The following HSBP1L1 variants were observed in gnomAD, a reference collection of about 807,000 sequenced individuals.
HSBP1L1 encodes heat shock factor binding protein 1 like 1.
In HSBP1L1, 8 loss-of-function variants were observed where a neutral mutation model predicts 9.7. That is an observed-to-expected ratio of 0.82 (90% confidence interval 0.48 to 1.48). HSBP1L1 has a LOEUF of 1.48. Ranked by LOEUF, HSBP1L1 falls within the 40% of genes most tolerant of loss-of-function variation. The probability of loss-of-function intolerance (pLI) is 0.00; values close to 1 mark genes in which losing one functional copy is unlikely to be tolerated. For missense variants in HSBP1L1, 106 were observed against 95.8 expected (o/e 1.11, Z -0.44); for synonymous variants, 39 against 34.4 (o/e 1.13, Z -0.46).
At chr18:79,968,209 A>G (rs1168672166) in intron 3 of HSBP1L1, 26 bp downstream of exon 3, 13 of 1,375,550 alleles carry the variant, frequency 9.5e-6, no homozygotes, top group Non-Finnish European at 5.0e-6. Flanking sequence ...AACTATGTCA[A>G]CCGTTTTCGT....
Position 79,964,706 on chromosome 18 carries a change from C to A in HSBP1L1, c.-30C>A. The A allele has an allele frequency of 2.2e-6, 3 of 1,357,166 alleles. No individual in the cohort carries two copies. The highest frequency in any genetic ancestry group is 2.9e-6 in the Non-Finnish European group (3 of 1,035,084). The allele number at this position is 1,357,166 out of a possible 1,614,324, so 84.1% of individuals were successfully genotyped here. The stretch of plus-strand genomic sequence containing the variant: ...CCGGGTCCGCGCGGCCCACGGGACC[C>A]CCCACTGACGCCCCCGGCCAGCGGT... On this transcript the variant is annotated 5_prime_UTR_variant, in exon 1 of 4. Coordinates refer to ENST00000451882, the MANE Select transcript of HSBP1L1 (RefSeq NM_001136180.2).
At chr18:79,967,957 C>CACT in intron 2 of HSBP1L1, 132 bp from the exon 3 acceptor site, 1 of 592,652 alleles carries the variant, frequency 1.7e-6, no homozygotes, top group South Asian at 2.1e-5. Context: ...TTTGCATGGA[C>CACT]ACTAGGCCTG....
chr18:79,968,157 A>C lies in HSBP1L1; in HGVS notation c.187A>C (p.Ile63Leu). The change falls in exon 3 of 4, where the codon ATT (isoleucine) becomes CTT (leucine). Residue 63 changes from isoleucine (I) to leucine (L), a missense_variant. Coordinates refer to ENST00000451882, the MANE Select transcript of HSBP1L1 (RefSeq NM_001136180.2). ...NVKDLMVQAGIENSIKEQMLK... is the reference protein window; with the variant it reads ...NVKDLMVQAGLENSIKEQMLK... ...CAAGGACTTAATGGTGCAAGCTGGC[A>C]TTGAAAATTCTATTAAAGAACAAAT... The C allele has an allele frequency of 1.3e-6, 2 of 1,547,090 alleles. No individual in the cohort carries two copies. The highest frequency in any genetic ancestry group is 1.2e-5 in the South Asian group (1 of 83,482).
At chr18:79,965,325 G>C (rs2051251508) in intron 1 of HSBP1L1, among the ~76,000 whole-genome samples, 1 of 152,190 alleles carries the variant, frequency 6.6e-6, no homozygotes, top group Non-Finnish European at 1.5e-5. Flanking sequence ...GGAATGTGTT[G>C]GGCGTTGTGC....
At position 79,964,698 on chromosome 18, in the gene HSBP1L1, A is replaced by T. The variant is rs964171371; in HGVS notation, c.-38A>T. On this transcript the variant is annotated 5_prime_UTR_variant, in exon 1 of 4. Coordinates refer to ENST00000451882, the MANE Select transcript of HSBP1L1 (RefSeq NM_001136180.2). ...ACCTCGCGCCGGGTCCGCGCGGCCCACGGGACCCCCCACTGACGCCCCCGG... is the reference window on the plus strand; with the variant it reads ...ACCTCGCGCCGGGTCCGCGCGGCCCTCGGGACCCCCCACTGACGCCCCCGG... 1.5e-6 allele frequency: 2 copies of T among 1,306,764 alleles called. No individual in the cohort carries two copies. The highest frequency in any genetic ancestry group is 1.6e-5 in the African/African-American group (1 of 63,986). 80.9% of individuals were successfully genotyped at this position (1,306,764 alleles called of 1,614,324 possible). A position where few individuals can be genotyped will look rare whatever the true frequency, so the allele number is the denominator to read the frequency against.
intron 1 of HSBP1L1, among the ~76,000 whole-genome samples, chr18:79,965,049 G>A (rs2051250062): frequency 1.4e-5 from 2 of 141,488 alleles, no homozygotes; most frequent in Admixed American, 7.2e-5. Flanking sequence ...GGTGCAGGGG[G>A]GAGCCCTGCT....
chr18:79,970,445 G>C lies in HSBP1L1; in HGVS notation c.219G>C (p.Lys73Asn). 5 of 718,572 alleles carry C rather than the reference G, an allele frequency of 7.0e-6. No individual in the cohort carries two copies. The South Asian group carries it at 7.4e-5, about 11-fold the overall frequency. 44.5% of individuals were successfully genotyped at this position (718,572 alleles called of 1,614,324 possible). A position where few individuals can be genotyped will look rare whatever the true frequency, so the allele number is the denominator to read the frequency against. The change falls in exon 4 of 4, where the codon AAG (lysine) becomes AAC (asparagine). Residue 73 changes from lysine (K) to asparagine (N), a missense_variant. Coordinates refer to ENST00000451882, the MANE Select transcript of HSBP1L1 (RefSeq NM_001136180.2). ...IENSIKEQML[K>N]T The stretch of plus-strand genomic sequence containing the variant: ...GTTTATGTCTCCCTAAATAGCTGAA[G>C]ACCTAACTGCAGCATGTCTGTATTT...
Position 79,968,151 on chromosome 18 carries a change from G to C in HSBP1L1, c.181G>C (p.Ala61Pro). 6.5e-7 allele frequency: 1 copy of C among 1,547,774 alleles called. No individual in the cohort carries two copies. Among genetic ancestry groups the C allele is most frequent in the Non-Finnish European group, 8.7e-7 (1 of 1,144,482 alleles). The part of the protein sequence containing the change: ...QKNVKDLMVQ[A>P]GIENSIKEQM... Reference sequence around the variant, plus strand: ...GAATGTCAAGGACTTAATGGTGCAAGCTGGCATTGAAAATTCTATTAAAGA... The same window carrying C: ...GAATGTCAAGGACTTAATGGTGCAACCTGGCATTGAAAATTCTATTAAAGA... Residue 61 changes from alanine (A) to proline (P), a missense_variant, in exon 3 of 4, where the codon GCT becomes CCT. Physicochemically the swap from Ala to Pro is conservative, Grantham distance 27. Coordinates refer to ENST00000451882, the MANE Select transcript of HSBP1L1 (RefSeq NM_001136180.2).
At chr18:79,967,911 G>C in intron 2 of HSBP1L1, 178 bp from the exon 3 acceptor site, 1 of 519,660 alleles carries the variant, frequency 1.9e-6, no homozygotes, top group East Asian at 3.1e-5. Flanking sequence ...AAAGGTTAAA[G>C]AGACACACTG....
intron 1 of HSBP1L1, 31 bp downstream of exon 1, chr18:79,964,817 T>C: frequency 1.1e-6 from 1 of 952,334 alleles, no homozygotes. Flanking sequence ...TGCTTCTCTC[T>C]GGATGGGGGC....
At chr18:79,966,573 T>C in intron 1 of HSBP1L1, 39 bp from the exon 2 acceptor site, 1 of 1,441,490 alleles carries the variant, frequency 6.9e-7, no homozygotes, top group Non-Finnish European at 9.5e-7. Flanking sequence ...ATGCCAACAG[T>C]AAATATTTAT....
At chr18:79,966,848 T>C (rs1446709948) in intron 2 of HSBP1L1, 170 bp downstream of exon 2, 22 of 567,606 alleles carry the variant, frequency 3.9e-5, no homozygotes, top group Non-Finnish European at 5.9e-5. Context: ...CCCTCACCTA[T>C]AGCAAAAGCT....
chr18:79,966,223 G>A (rs1055252586), intron 1 of HSBP1L1, among the ~76,000 whole-genome samples: 3 of 151,432 alleles, frequency 2.0e-5, no homozygotes, highest in South Asian at 2.1e-4. Flanking sequence ...GAGCCACCGC[G>A]CCCGGCCTTA....
intron 3 of HSBP1L1, among the ~76,000 whole-genome samples, chr18:79,968,610 C>T (rs2051269424): frequency 1.3e-5 from 2 of 151,828 alleles, no homozygotes; most frequent in African/African-American, 4.8e-5. Context: ...AGGCGTGAGC[C>T]ACCACGCCCG....
At position 79,964,729 on chromosome 18, in the gene HSBP1L1, G is replaced by A; in HGVS notation, c.-7G>A. The stretch of plus-strand genomic sequence containing the variant: ...CCCCCCACTGACGCCCCCGGCCAGC[G>A]GTCCACATGGACGTGCGGGGCCCTG... On this transcript the variant is annotated 5_prime_UTR_variant, in exon 1 of 4. Coordinates refer to ENST00000451882, the MANE Select transcript of HSBP1L1 (RefSeq NM_001136180.2). 1 of 1,411,990 alleles carries A rather than the reference G, an allele frequency of 7.1e-7. No homozygotes were observed. The highest frequency in any genetic ancestry group is 1.4e-5 in the South Asian group (1 of 69,870). The allele number at this position is 1,411,990 out of a possible 1,614,324, so 87.5% of individuals were successfully genotyped here.
chr18:79,965,178 G>A (rs2051250826), intron 1 of HSBP1L1, among the ~76,000 whole-genome samples: 1 of 152,124 alleles, frequency 6.6e-6, no homozygotes. Flanking sequence ...GTGCCCGAAA[G>A]GGGACCCACG....
intron 1 of HSBP1L1, among the ~76,000 whole-genome samples, chr18:79,965,619 A>G (rs1180689139): frequency 1.3e-5 from 2 of 152,170 alleles, no homozygotes; most frequent in Non-Finnish European, 2.9e-5. Context: ...TTCAGTAGCA[A>G]TGGTGGTATT....
In HSBP1L1 at chr18:79,969,394, A is replaced by AGAAAGAAAGAAAGAAAGAAAGAAAG. The variant is rs35959688; in HGVS notation, c.214-1046_214-1045insGAAAGAAAGAAAGAAAGAAAGAAAG. Among the ~76,000 whole-genome samples, 170 of 80,332 alleles carry AGAAAGAAAGAAAGAAAGAAAGAAAG rather than the reference A, an allele frequency of 2.1e-3. 5 individuals carry two copies. The highest frequency in any genetic ancestry group is 4.8e-3 in the South Asian group (9 of 1,860). The allele number at this position is 80,332 out of a possible 152,430, so 52.7% of individuals were successfully genotyped here. ...AAGAAAGAAAGAAAGAAAGAAAGAA[A>AGAAAGAAAGAAAGAAAGAAAGAAAG]AAAAAACGATGCAGAATAGCGCCCA... On this transcript the variant is annotated intron_variant, in intron 3 of 3. Transcript: ENST00000451882.
At chr18:79,966,582 A>T in intron 1 of HSBP1L1, 30 bp from the exon 2 acceptor site, 2 of 1,478,548 alleles carry the variant, frequency 1.4e-6, no homozygotes, top group African/African-American at 1.4e-5. Context: ...GTAAATATTT[A>T]TTCAATTGTC....
Sources: allele counts gnomAD v4.1 joint callset (sites outside exome capture counted in the v4.1 genomes callset), GRCh38; gene constraint gnomAD v4.1.1; transcripts MANE v1.5; gene names NCBI Gene and HGNC (gene_info 2026-07-23, HGNC 2026-07-21).